SLC67A1: variants seen among roughly 807,000 people sequenced by gnomAD.
The protein encoded by SLC67A1 is solute carrier family 67 member A1.
At chr11:2,919,072 C>T in the SLC67A1 span, 5 of 549,880 alleles carry the variant, frequency 9.1e-6, no homozygotes, top group South Asian at 1.3e-4. Context: ...CCAGCACCTT[C>T]CTGCTCACAG....
the SLC67A1 span, chr11:2,922,482 T>G: frequency 6.2e-7 from 1 of 1,612,770 alleles, no homozygotes; most frequent in African/African-American, 1.3e-5. Flanking sequence ...GTGCCCGGCC[T>G]GGTGTTCAGC....
chr11:2,913,127 A>G, the SLC67A1 span, among the ~76,000 whole-genome samples: 6 of 152,054 alleles, frequency 3.9e-5, no homozygotes, highest in South Asian at 2.1e-4. Flanking sequence ...GGGGGCAGAT[A>G]GATGCAGGGC....
the SLC67A1 span, among the ~76,000 whole-genome samples, chr11:2,905,714 A>C: frequency 6.6e-6 from 1 of 152,300 alleles, no homozygotes; most frequent in Admixed American, 6.5e-5. Flanking sequence ...AGATGGAAAG[A>C]GAGGAGGCTG....
At chr11:2,908,101 G>A in the SLC67A1 span, 18 of 620,410 alleles carry the variant, frequency 2.9e-5, no homozygotes, top group South Asian at 1.5e-4. Flanking sequence ...AGGGCCCCTC[G>A]ATGGTCATAC....
At chr11:2,899,831 A>C in the SLC67A1 span, 17 of 1,024,596 alleles carry the variant, frequency 1.7e-5, no homozygotes, top group East Asian at 4.5e-4. Context: ...TCTCCACCAC[A>C]CCTCAGCGCC....
At chr11:2,912,979 G>A in the SLC67A1 span, among the ~76,000 whole-genome samples, 3 of 152,180 alleles carry the variant, frequency 2.0e-5, no homozygotes, top group African/African-American at 7.2e-5. Flanking sequence ...GGGCACTGGA[G>A]CTCAGAGAGG....
the SLC67A1 span, among the ~76,000 whole-genome samples, chr11:2,910,966 G>A: frequency 4.6e-5 from 7 of 152,198 alleles, no homozygotes; most frequent in East Asian, 1.4e-3. Flanking sequence ...GGAGCCCTGC[G>A]CCCCCCAGCA....
At chr11:2,915,898 T>C in the SLC67A1 span, among the ~76,000 whole-genome samples, 1 of 152,178 alleles carries the variant, frequency 6.6e-6, no homozygotes, top group African/African-American at 2.4e-5. Context: ...TGCCGATTCC[T>C]TCCAGGGGAA....
chr11:2,922,708 C>T, the SLC67A1 span: 1 of 589,690 alleles, frequency 1.7e-6, no homozygotes, highest in Non-Finnish European at 2.9e-6. Context: ...GGGGTGGGGG[C>T]TTGGGGTCTG....
the SLC67A1 span, chr11:2,914,622 C>A: frequency 1.2e-6 from 1 of 807,188 alleles, no homozygotes; most frequent in Non-Finnish European, 1.5e-6. Context: ...CTGTTGCCCA[C>A]AGCAGCACAG....
At chr11:2,909,704 CG>C in the SLC67A1 span, 1,344 of 1,529,200 alleles carry the variant, frequency 8.8e-4, 11 homozygotes, top group African/African-American at 0.017. Flanking sequence ...CTGGTCTCCG[CG>C]TACGGGTGAG....
At chr11:2,922,141 T>G in the SLC67A1 span, 3 of 1,613,676 alleles carry the variant, frequency 1.9e-6, no homozygotes, top group Non-Finnish European at 2.5e-6. Context: ...GAGCAGCCAC[T>G]TCTCGGAGGA....
At chr11:2,925,240 C>T in the SLC67A1 span, 1 of 1,568,128 alleles carries the variant, frequency 6.4e-7, no homozygotes, top group South Asian at 1.1e-5. The surrounding 1 kb of genome is among the most constrained non-coding windows in gnomAD (Gnocchi z 6.5). Flanking sequence ...CTACTAAATC[C>T]CTCCGACCTC....
At chr11:2,918,024 T>G in the SLC67A1 span, 1 of 1,613,604 alleles carries the variant, frequency 6.2e-7, no homozygotes, top group Non-Finnish European at 8.5e-7. Flanking sequence ...CTGAAGGCCA[T>G]CGCCTCCCTG....
chr11:2,914,828 T>C, the SLC67A1 span: 4 of 985,366 alleles, frequency 4.1e-6, no homozygotes, highest in Non-Finnish European at 4.8e-6. Flanking sequence ...GAGGCCAGGG[T>C]CCCAAAGAAA....
the SLC67A1 span, chr11:2,909,935 C>T: frequency 6.3e-6 from 3 of 479,268 alleles, no homozygotes; most frequent in Non-Finnish European, 7.3e-6. Flanking sequence ...CTGTCCGGGG[C>T]GCGACTGGAC....
chr11:2,903,591 A>T, the SLC67A1 span: 1 of 1,355,632 alleles, frequency 7.4e-7, no homozygotes, highest in Non-Finnish European at 1.0e-6. Flanking sequence ...TGGGGGTTTC[A>T]TGCTGCCAGG....
chr11:2,903,722 G>A, the SLC67A1 span: 1 of 577,934 alleles, frequency 1.7e-6, no homozygotes, highest in Non-Finnish European at 3.1e-6. Context: ...GAAGCCATGG[G>A]GAGCCACCCC....
At chr11:2,909,650 G>C in the SLC67A1 span, 1 of 1,537,236 alleles carries the variant, frequency 6.5e-7, no homozygotes. Flanking sequence ...CTGGGCCTCT[G>C]CTTCGGCGTC....
Sources: gnomAD v4.1 joint callset for allele counts (sites outside exome capture counted in the v4.1 genomes callset) on GRCh38, gnomAD v4.1.1 for gene constraint, Gnocchi (gnomAD v3.1) non-coding constraint, MANE v1.5 for transcripts, NCBI Gene and HGNC (gene_info 2026-07-23, HGNC 2026-07-21) for gene names.